The following BPI variants were observed in gnomAD, a reference collection of about 807,000 sequenced individuals.
BPI encodes bactericidal permeability increasing protein, also known as bactericidal permeability-increasing protein.
In BPI, 48 loss-of-function variants were observed where a neutral mutation model predicts 57.6. The observed-to-expected ratio is 0.83, with a 90% CI of 0.66 to 1.06. The LOEUF (loss-of-function observed/expected upper bound fraction) is 1.06, where lower values mean the gene tolerates loss of function less well. Ranked by LOEUF, BPI falls within the 50% of genes least tolerant of loss-of-function variation. BPI has a pLI of 0.00. For synonymous variants in BPI, 237 were observed against 238.2 expected (o/e 0.99, Z 0.05); for missense variants, 651 against 609.7 (o/e 1.07, Z -0.71).
intron 11 of BPI, among the ~76,000 whole-genome samples, chr20:38,329,568 G>T (rs1385132033): frequency 6.6e-6 from 1 of 152,196 alleles, no homozygotes; most frequent in East Asian, 1.9e-4. Flanking sequence ...ATATGCAGGG[G>T]ATGGGGATAG....
chr20:38,327,510 C>T, intron 10 of BPI, 78 bp from the exon 11 acceptor site: 1 of 1,518,730 alleles, frequency 6.6e-7, no homozygotes, highest in South Asian at 1.2e-5. Context: ...CGTTGTGAAG[C>T]TGACCCTTCT....
At chr20:38,328,882 TG>T (rs2076727765) in intron 11 of BPI, among the ~76,000 whole-genome samples, 1 of 151,638 alleles carries the variant, frequency 6.6e-6, no homozygotes. Flanking sequence ...GGTGCATGCC[TG>T]GGGTCCCAGC....
chr20:38,323,910 T>C lies in BPI; in HGVS notation c.797T>C (p.Phe266Ser), dbSNP rs1266835930. ...YSENHHNPPP[F>S]APPVMEFPAA... ...GAGAACCACCACAATCCACCTCCCT[T>C]TGCTCCACCAGTGATGGAGTTTCCC... The change falls in exon 8 of 15, where the codon TTT (phenylalanine) becomes TCT (serine). Residue 266 changes from phenylalanine to serine, a missense_variant. Coordinates refer to ENST00000642449, the MANE Select transcript of BPI (RefSeq NM_001725.3). 3.1e-6 allele frequency: 5 copies of C among 1,614,182 alleles called. No homozygotes were observed. The African/African-American group carries it at 5.3e-5, about 17-fold the overall frequency.
At chr20:38,329,209 G>A (rs1211874938) in intron 11 of BPI, among the ~76,000 whole-genome samples, 6 of 152,004 alleles carry the variant, frequency 3.9e-5, no homozygotes, top group Non-Finnish European at 5.9e-5. Flanking sequence ...AGAAACAGAG[G>A]GAGGGAGTCG....
chr20:38,334,969 C>A (rs1216341767), intron 13 of BPI, among the ~76,000 whole-genome samples: 1 of 152,080 alleles, frequency 6.6e-6, no homozygotes, highest in Admixed American at 6.5e-5. Flanking sequence ...CGGCCCCTGA[C>A]CTTTGAGAGT....
intron 13 of BPI, 142 bp downstream of exon 13, chr20:38,334,635 C>A: frequency 2.5e-6 from 2 of 813,266 alleles, no homozygotes; most frequent in Non-Finnish European, 2.1e-6. Flanking sequence ...GGCATCTGAC[C>A]CAGAAATGAA....
intron 11 of BPI, among the ~76,000 whole-genome samples, chr20:38,330,166 G>T (rs1469429576): frequency 6.6e-6 from 1 of 152,128 alleles, no homozygotes; most frequent in Non-Finnish European, 1.5e-5. Flanking sequence ...GGGAGGTTGA[G>T]GTTGCAGTGA....
At position 38,326,315 on chromosome 20, in the gene BPI, C is replaced by T. The variant is rs757594149; in HGVS notation, c.1044C>T (p.Ser348=). 1 of 1,613,892 alleles carries T rather than the reference C, an allele frequency of 6.2e-7. No homozygotes were observed. The highest frequency in any genetic ancestry group is 1.3e-5 in the African/African-American group (1 of 74,922). The change falls in exon 10 of 15, where the codon TCC becomes TCT. Residue 348 remains serine (S), a synonymous_variant. Coordinates refer to ENST00000642449, the MANE Select transcript of BPI (RefSeq NM_001725.3). The stretch of plus-strand genomic sequence containing the variant: ...AGATACAGATCCATGTCTCAGCCTC[C>T]ACCCCGCCACACCTGTCTGTGCAGC... ...NMKIQIHVSA[S]TPPHLSVQPT... is the part of the protein sequence containing the mutation.
intron 11 of BPI, among the ~76,000 whole-genome samples, chr20:38,330,197 T>C (rs949303622): frequency 2.0e-5 from 3 of 152,026 alleles, no homozygotes; most frequent in Non-Finnish European, 4.4e-5. Flanking sequence ...TGCTGTGTAG[T>C]GCAGCTGTGA....
chr20:38,321,909 A>G (rs2076688199), intron 7 of BPI: 1 of 151,986 alleles, frequency 6.6e-6, no homozygotes, highest in Non-Finnish European at 1.5e-5. Flanking sequence ...TAGATACAAA[A>G]ACAAATACAC....
chr20:38,332,588 C>T (rs1026690411), intron 12 of BPI, among the ~76,000 whole-genome samples: 4 of 152,112 alleles, frequency 2.6e-5, no homozygotes, highest in African/African-American at 9.7e-5. Context: ...ACAGAAGCCT[C>T]CCTCATGGCT....
At chr20:38,304,420 C>T (rs2076587596) in intron 1 of BPI, 67 bp downstream of exon 1, 1 of 1,578,894 alleles carries the variant, frequency 6.3e-7, no homozygotes, top group Non-Finnish European at 8.6e-7. Context: ...CTACTGTGTG[C>T]ACCCCTTTAG....
intron 3 of BPI, among the ~76,000 whole-genome samples, chr20:38,309,735 A>G (rs1031892495): frequency 5.9e-5 from 9 of 152,186 alleles, no homozygotes; most frequent in Admixed American, 5.9e-4. Context: ...AACCCAAACT[A>G]CAACTCCAAA....
chr20:38,314,864 A>ATGATGG (rs1391741546), intron 5 of BPI, among the ~76,000 whole-genome samples: 7 of 100,014 alleles, frequency 7.0e-5, no homozygotes, highest in South Asian at 6.1e-4. Context: ...GATGATGATG[A>ATGATGG]TGATGGTGAT....
In BPI at chr20:38,335,595, C is replaced by G. The variant is rs2076763442; in HGVS notation, c.1337-3C>G. The G allele has an allele frequency of 6.2e-7, 1 of 1,613,688 alleles. No homozygotes were observed. Among genetic ancestry groups the G allele is most frequent in the African/African-American group, 1.3e-5 (1 of 74,926 alleles). On this transcript the variant is annotated splice_polypyrimidine_tract_variant and splice_region_variant and intron_variant, in intron 13 of 14. Coordinates refer to ENST00000642449, the MANE Select transcript of BPI (RefSeq NM_001725.3). ...TGGTCCTCACCATCGGTCTCTGTCA[C>G]AGAGAAACTACAGAAAGGCTTCCCT...
At position 38,318,417 on chromosome 20, in the gene BPI, G is replaced by T; in HGVS notation, c.605G>T (p.Cys202Phe). ...ALRNKMNSQV[C>F]EKVTNSVSSE... ...TACTTGTTTGGTTCTCCCCAGGTCT[G>T]CGAGAAAGTGACCAATTCTGTATCC... Residue 202 changes from cysteine to phenylalanine, a missense_variant, in exon 6 of 15, where the codon TGC (cysteine) becomes TTC (phenylalanine). Coordinates refer to ENST00000642449, the MANE Select transcript of BPI (RefSeq NM_001725.3). 1 of 1,613,468 alleles carries T rather than the reference G, an allele frequency of 6.2e-7. No individual in the cohort carries two copies. The highest frequency in any genetic ancestry group is 8.5e-7 in the Non-Finnish European group (1 of 1,179,370).
intron 6 of BPI, 181 bp from the exon 7 acceptor site, chr20:38,320,002 G>A: frequency 3.3e-6 from 2 of 603,476 alleles, no homozygotes; most frequent in Non-Finnish European, 5.9e-6. Context: ...GTCTGTGAAT[G>A]TGGGGTGTGG....
At chr20:38,317,826 C>T (rs537791422) in intron 5 of BPI, 1 of 1,508,454 alleles carries the variant, frequency 6.6e-7, no homozygotes, top group Admixed American at 2.1e-5. Flanking sequence ...AGTGTGTGGC[C>T]CAAGTCAGAT....
chr20:38,307,410 G>A (rs6024736), intron 1 of BPI, among the ~76,000 whole-genome samples, 157 bp from the exon 2 acceptor site: 25 of 152,246 alleles, frequency 1.6e-4, no homozygotes, highest in African/African-American at 5.5e-4. Flanking sequence ...TTACTATTTG[G>A]CCTTTTCTAG....
Sources: allele counts gnomAD v4.1 joint callset (sites outside exome capture counted in the v4.1 genomes callset), GRCh38; gene constraint gnomAD v4.1.1; transcripts MANE v1.5; gene names NCBI Gene and HGNC (gene_info 2026-07-23, HGNC 2026-07-21).